ANAPC7: variants seen among roughly 807,000 people sequenced by gnomAD.
The protein encoded by ANAPC7 is anaphase-promoting complex subunit 7.
ANAPC7 carries 25 observed loss-of-function variants against 63.3 expected under a neutral mutation model. The ratio of observed to expected loss-of-function variants is 0.39; its 90% CI spans 0.29 to 0.55. The LOEUF is 0.55. ANAPC7 is among the 20% of genes least tolerant of loss of function. ANAPC7 has a pLI of 0.57. For synonymous variants in ANAPC7, 241 were observed against 251.7 expected, an observed-to-expected ratio of 0.96 and a Z score of 0.40; for missense variants, 516 against 691.7, an observed-to-expected ratio of 0.75 and a Z score of 2.85.
intron 3 of ANAPC7, among the ~76,000 whole-genome samples, chr12:110,393,395 T>C (rs558458129): frequency 6.6e-6 from 1 of 152,114 alleles, no homozygotes; most frequent in Non-Finnish European, 1.5e-5. Flanking sequence ...TTTATTCCTT[T>C]ATTTTATTAA....
intron 5 of ANAPC7, chr12:110,386,694 G>T: frequency 2.2e-6 from 1 of 452,296 alleles, no homozygotes. Flanking sequence ...ATAACTCTGT[G>T]GTTGCAGTTC....
At chr12:110,384,941 A>G (rs1321754862) in intron 6 of ANAPC7, among the ~76,000 whole-genome samples, 1 of 152,186 alleles carries the variant, frequency 6.6e-6, no homozygotes, top group Non-Finnish European at 1.5e-5. Context: ...AAAAGCTTGT[A>G]GTTCTATCCA....
At chr12:110,392,092 CAAAAA>C (rs1283316509) in intron 3 of ANAPC7, among the ~76,000 whole-genome samples, 2 of 14,842 alleles carry the variant, frequency 1.3e-4, no homozygotes, top group Non-Finnish European at 2.4e-4. Flanking sequence ...CTCCACCTCA[CAAAAA>C]AAAAAAAAAA....
intron 1 of ANAPC7, among the ~76,000 whole-genome samples, chr12:110,397,312 T>C (rs1222151363): frequency 1.3e-5 from 2 of 152,130 alleles, no homozygotes; most frequent in Non-Finnish European, 2.9e-5. Flanking sequence ...CCCACCACTT[T>C]GGGAGGCTGA....
At chr12:110,402,477 C>A (rs2062245525) in intron 1 of ANAPC7, among the ~76,000 whole-genome samples, 1 of 147,286 alleles carries the variant, frequency 6.8e-6, no homozygotes, top group Admixed American at 6.8e-5. Flanking sequence ...CTACAGGCGC[C>A]CGCCACCACG....
rs1159374781 is a variant in ANAPC7, at chr12:110,383,875, C to CAAAAAAA, written c.818-922_818-916dup. Among the ~76,000 whole-genome samples, 89 of 50,678 alleles carry CAAAAAAA rather than the reference C, an allele frequency of 1.8e-3. 1 individual carries two copies. Among genetic ancestry groups the CAAAAAAA allele is most frequent in the African/African-American group, 5.4e-3 (79 of 14,742 alleles). The allele number at this position is 50,678 out of a possible 152,430, so 33.2% of individuals were successfully genotyped here. On this transcript the variant is annotated intron_variant, in intron 6 of 10. Coordinates refer to ENST00000455511, the MANE Select transcript of ANAPC7 (RefSeq NM_016238.3). ...TTGGCTACAGAGCGAGACTCCGTCT[C>CAAAAAAA]AAAAAAAAAAAAAAAAAAAAAAAGA...
Position 110,373,939 on chromosome 12 carries a change from G to C in ANAPC7, c.*205C>G. ...CTCAGTCCTCCCTGGCTGGAGCAGG[G>C]GAGGATGGAGATACATGGAAGGTTG... On this transcript the variant is annotated 3_prime_UTR_variant, in exon 11 of 11. Transcript: ENST00000455511. 3.8e-6 allele frequency: 2 copies of C among 521,088 alleles called. No individual in the cohort carries two copies. Among genetic ancestry groups the C allele is most frequent in the South Asian group, 8.7e-5 (2 of 22,996 alleles). The allele number at this position is 521,088 out of a possible 1,614,324, so 32.3% of individuals were successfully genotyped here.
At chr12:110,382,453 AAAAAAAAAATATATATAT>A (rs1435501020) in intron 7 of ANAPC7, among the ~76,000 whole-genome samples, 10 of 71,838 alleles carry the variant, frequency 1.4e-4, no homozygotes, top group South Asian at 4.3e-4. Flanking sequence ...AAAAAAAAAA[AAAAAAAAAATATATATAT>A]ATATATATAT....
chr12:110,382,463 T>A lies in ANAPC7; in HGVS notation c.935+380A>T, dbSNP rs28703074. On this transcript the variant is annotated intron_variant, in intron 7 of 10. Transcript: ENST00000455511. The stretch of plus-strand genomic sequence containing the variant: ...TTTTAAAAAAAAAAAAAAAAAAAAA[T>A]ATATATATATATATATATATATATA... Among the ~76,000 whole-genome samples the A allele has an allele frequency of 6.8e-3, 521 of 77,134 alleles. 2 individuals are homozygous for A. The highest frequency in any genetic ancestry group is 0.02 in the South Asian group (42 of 2,114). 50.6% of individuals were successfully genotyped at this position (77,134 alleles called of 152,430 possible). A position where few individuals can be genotyped will look rare whatever the true frequency, so the allele number is the denominator to read the frequency against.
chr12:110,399,720 G>A (rs1374728913), intron 1 of ANAPC7, among the ~76,000 whole-genome samples: 1 of 151,372 alleles, frequency 6.6e-6, no homozygotes, highest in Non-Finnish European at 1.5e-5. Flanking sequence ...AACCTGGGAG[G>A]TGGAGGTTGC....
intron 1 of ANAPC7, among the ~76,000 whole-genome samples, chr12:110,402,538 G>A (rs574354949): frequency 9.7e-4 from 147 of 151,928 alleles, no homozygotes; most frequent in Middle Eastern, 3.4e-3. Context: ...GTTACACTGT[G>A]TTAGCCAGGA....
intron 3 of ANAPC7, among the ~76,000 whole-genome samples, chr12:110,394,669 C>CAAAAAAAAAAAAAAAAAAAAAAA (rs779142936): frequency 7.0e-5 from 3 of 42,776 alleles, no homozygotes; most frequent in African/African-American, 3.2e-4. Flanking sequence ...AATTCCACCT[C>CAAAAAAAAAAAAAAAAAAAAAAA]AAAAAAAAAA....
intron 1 of ANAPC7, among the ~76,000 whole-genome samples, chr12:110,401,492 T>G (rs776687633): frequency 6.6e-6 from 1 of 152,024 alleles, no homozygotes; most frequent in East Asian, 1.9e-4. Context: ...AGGAGAGATA[T>G]CCAGGCTAAA....
intron 6 of ANAPC7, among the ~76,000 whole-genome samples, chr12:110,385,484 C>T (rs1357128195): frequency 6.6e-6 from 1 of 152,208 alleles, no homozygotes; most frequent in African/African-American, 2.4e-5. Flanking sequence ...TTCCAAGCTG[C>T]CATTGCCATT....
chr12:110,387,610 C>A, intron 5 of ANAPC7, 129 bp downstream of exon 5: 1 of 1,093,310 alleles, frequency 9.1e-7, no homozygotes, highest in Non-Finnish European at 1.3e-6. Context: ...AAAAGACTAA[C>A]ACATCCCAGA....
At chr12:110,396,124 T>A (rs1367734167) in intron 2 of ANAPC7, 142 bp downstream of exon 2, 10 of 706,308 alleles carry the variant, frequency 1.4e-5, no homozygotes, top group African/African-American at 3.6e-5. Context: ...CAGGCAGTAA[T>A]ATTCACTAGC....
rs1301502825 is a variant in ANAPC7, at chr12:110,396,252, C to A, written c.288+14G>T. ...AAAAAAAAAAAAAAAAATCACAATTCTATCTCCAATTACCTGACTTTGTGG... is the reference window on the plus strand; with the variant it reads ...AAAAAAAAAAAAAAAAATCACAATTATATCTCCAATTACCTGACTTTGTGG... On this transcript the variant is annotated intron_variant, in intron 2 of 10. Coordinates refer to ENST00000455511, the MANE Select transcript of ANAPC7 (RefSeq NM_016238.3). 1.9e-5 allele frequency: 28 copies of A among 1,504,928 alleles called. No homozygotes were observed. The highest frequency in any genetic ancestry group is 2.4e-5 in the South Asian group (2 of 83,164). 93.2% of individuals were successfully genotyped at this position (1,504,928 alleles called of 1,614,324 possible).
intron 8 of ANAPC7, 186 bp from the exon 9 acceptor site, chr12:110,377,803 A>G (rs1285578072): frequency 2.1e-6 from 3 of 1,435,124 alleles, no homozygotes; most frequent in Non-Finnish European, 1.8e-6. Context: ...TCTTCCCCAG[A>G]GAACTTGATG....
intron 3 of ANAPC7, among the ~76,000 whole-genome samples, chr12:110,389,212 C>T (rs1264558344): frequency 6.6e-6 from 1 of 152,116 alleles, no homozygotes; most frequent in Admixed American, 6.6e-5. Flanking sequence ...AAAGACGCTG[C>T]CCTCTGGAAA....
Sources: allele counts gnomAD v4.1 joint callset (sites outside exome capture counted in the v4.1 genomes callset), GRCh38; gene constraint gnomAD v4.1.1; transcripts MANE v1.5; gene names NCBI Gene and HGNC (gene_info 2026-07-23, HGNC 2026-07-21).